CSNK2A2IP: variants seen among roughly 807,000 people sequenced by gnomAD.
CSNK2A2IP encodes casein kinase 2 subunit alpha' interacting protein.
the CSNK2A2IP span, among the ~76,000 whole-genome samples, chr3:88,448,985 A>G: frequency 1.3e-5 from 2 of 151,976 alleles, no homozygotes; most frequent in African/African-American, 4.8e-5. Flanking sequence ...TTGACAAGCT[A>G]TATACTTCCT....
the CSNK2A2IP span, among the ~76,000 whole-genome samples, chr3:88,361,689 T>A: frequency 1.3e-5 from 2 of 152,216 alleles, no homozygotes; most frequent in African/African-American, 4.8e-5. Flanking sequence ...TCTTTGTCAA[T>A]ATTTCTTTAA....
At chr3:88,369,144 C>T in the CSNK2A2IP span, among the ~76,000 whole-genome samples, 1 of 151,884 alleles carries the variant, frequency 6.6e-6, no homozygotes, top group African/African-American at 2.4e-5. Flanking sequence ...GTTAGGCAAC[C>T]TATTGATTAT....
the CSNK2A2IP span, among the ~76,000 whole-genome samples, chr3:88,364,859 G>A: frequency 1.3e-5 from 2 of 152,140 alleles, no homozygotes; most frequent in African/African-American, 2.4e-5. Flanking sequence ...AACAAATTTA[G>A]GAATAAATGA....
At chr3:88,403,807 C>T in the CSNK2A2IP span, among the ~76,000 whole-genome samples, 3 of 151,870 alleles carry the variant, frequency 2.0e-5, no homozygotes, top group East Asian at 5.8e-4. Context: ...TTGTTTTAAA[C>T]GAAATTATTT....
the CSNK2A2IP span, among the ~76,000 whole-genome samples, chr3:88,355,262 G>A: frequency 6.6e-6 from 1 of 152,116 alleles, no homozygotes; most frequent in African/African-American, 2.4e-5. Flanking sequence ...AAAAAGTTTG[G>A]ATAAATAATA....
chr3:88,432,575 G>A, the CSNK2A2IP span, among the ~76,000 whole-genome samples: 1 of 151,446 alleles, frequency 6.6e-6, no homozygotes, highest in Non-Finnish European at 1.5e-5. Context: ...ACTTCACTGT[G>A]TATATATATG....
At chr3:88,458,259 T>C in the CSNK2A2IP span, among the ~76,000 whole-genome samples, 1 of 145,956 alleles carries the variant, frequency 6.9e-6, no homozygotes, top group Non-Finnish European at 1.5e-5. Context: ...CAAGCAATTC[T>C]CCTGCCTCAG....
At chr3:88,346,629 A>C in the CSNK2A2IP span, among the ~76,000 whole-genome samples, 1 of 152,044 alleles carries the variant, frequency 6.6e-6, no homozygotes, top group Non-Finnish European at 1.5e-5. Context: ...TGAATATTTT[A>C]ATGCCAATGT....
chr3:88,358,761 T>C, the CSNK2A2IP span, among the ~76,000 whole-genome samples: 8,421 of 152,208 alleles, frequency 0.055, 642 homozygotes, highest in African/African-American at 0.17. Context: ...AAATTTTGCA[T>C]GTGCGTTCAT....
the CSNK2A2IP span, among the ~76,000 whole-genome samples, chr3:88,442,623 A>G: frequency 6.6e-6 from 1 of 152,100 alleles, no homozygotes; most frequent in Admixed American, 6.6e-5. Flanking sequence ...CTCAGAGCAA[A>G]CTTGAGACAC....
At chr3:88,408,068 C>G in the CSNK2A2IP span, among the ~76,000 whole-genome samples, 1 of 152,044 alleles carries the variant, frequency 6.6e-6, no homozygotes, top group East Asian at 1.9e-4. Flanking sequence ...TTAAAATATA[C>G]AATAAAGCAG....
the CSNK2A2IP span, among the ~76,000 whole-genome samples, chr3:88,373,755 A>G: frequency 6.6e-6 from 1 of 151,356 alleles, no homozygotes; most frequent in Non-Finnish European, 1.5e-5. Context: ...TGACAGAGCA[A>G]GCAAAAATAA....
At chr3:88,382,749 C>T in the CSNK2A2IP span, 1 of 152,104 alleles carries the variant, frequency 6.6e-6, no homozygotes, top group Admixed American at 6.5e-5. Context: ...GATCTGTCCC[C>T]CTGATTGAAG....
At chr3:88,396,181 T>G in the CSNK2A2IP span, among the ~76,000 whole-genome samples, 4 of 148,434 alleles carry the variant, frequency 2.7e-5, no homozygotes, top group Non-Finnish European at 5.9e-5. Context: ...CTCGGCTCAC[T>G]GCAGGCTCCG....
At chr3:88,467,139 C>A in the CSNK2A2IP span, 11 of 414,698 alleles carry the variant, frequency 2.7e-5, 1 homozygote, top group East Asian at 3.9e-4. Flanking sequence ...AGGCTATTGA[C>A]TGGCTGTTTT....
At chr3:88,338,971 G>A in the CSNK2A2IP span, among the ~76,000 whole-genome samples, 1 of 152,026 alleles carries the variant, frequency 6.6e-6, no homozygotes, top group Non-Finnish European at 1.5e-5. Context: ...CGGTACATGT[G>A]ATGTTTAGAT....
chr3:88,374,984 T>C, the CSNK2A2IP span, among the ~76,000 whole-genome samples: 1 of 151,826 alleles, frequency 6.6e-6, no homozygotes, highest in East Asian at 1.9e-4. Context: ...GTCTATACTA[T>C]CATAGAGTAG....
At chr3:88,354,061 C>G in the CSNK2A2IP span, among the ~76,000 whole-genome samples, 1 of 152,178 alleles carries the variant, frequency 6.6e-6, no homozygotes, top group Non-Finnish European at 1.5e-5. Context: ...CTGTCTCTCT[C>G]TCTTGCTCCA....
At chr3:88,373,509 A>G in the CSNK2A2IP span, among the ~76,000 whole-genome samples, 4 of 151,210 alleles carry the variant, frequency 2.6e-5, no homozygotes, top group African/African-American at 9.7e-5. Context: ...ATTTGTAACA[A>G]TAAATTCTTC....
Sources: allele counts gnomAD v4.1 joint callset (sites outside exome capture counted in the v4.1 genomes callset), GRCh38; gene constraint gnomAD v4.1.1; transcripts MANE v1.5; gene names NCBI Gene and HGNC (gene_info 2026-07-23, HGNC 2026-07-21).